The following COL8A1 variants were observed in gnomAD, a reference collection of about 807,000 sequenced individuals.
The protein encoded by COL8A1 is collagen alpha-1(VIII) chain.
In COL8A1, 21 loss-of-function variants were observed where a neutral mutation model predicts 42.7. The observed-to-expected ratio is 0.49, with a 90% CI of 0.35 to 0.71. The LOEUF is 0.71. Among genes scored for constraint, COL8A1 ranks in the 30% least tolerant of loss-of-function variants. The pLI, the probability that COL8A1 is intolerant of heterozygous loss-of-function variation, is 0.01. For missense variants in COL8A1, 788 were observed against 962.4 expected, an observed-to-expected ratio of 0.82 and a Z score of 2.40; for synonymous variants, 367 against 369.1, an observed-to-expected ratio of 0.99 and a Z score of 0.06.
chr3:99,646,430 C>G (rs925641285), intron 1 of COL8A1, among the ~76,000 whole-genome samples: 1 of 152,176 alleles, frequency 6.6e-6, no homozygotes, highest in Non-Finnish European at 1.5e-5. Flanking sequence ...GGGCGTGTCA[C>G]TGATCGTCTC....
At chr3:99,679,002 C>G (rs1290313709) in intron 1 of COL8A1, 1 of 152,210 alleles carries the variant, frequency 6.6e-6, no homozygotes, top group African/African-American at 2.4e-5. Context: ...CACATACTCA[C>G]TCTATCCACA....
At chr3:99,671,158 A>C (rs954697962) in intron 1 of COL8A1, among the ~76,000 whole-genome samples, 3 of 152,108 alleles carry the variant, frequency 2.0e-5, no homozygotes, top group East Asian at 3.8e-4. Flanking sequence ...AAGGAATAGG[A>C]ATAAAATTAT....
At chr3:99,756,061 C>T (rs1392437310) in intron 2 of COL8A1, among the ~76,000 whole-genome samples, 1 of 151,888 alleles carries the variant, frequency 6.6e-6, no homozygotes, top group Non-Finnish European at 1.5e-5. Context: ...ACTCAGGATA[C>T]ATTTTCATTA....
At chr3:99,689,271 T>C (rs1303393281) in intron 1 of COL8A1, among the ~76,000 whole-genome samples, 2 of 152,218 alleles carry the variant, frequency 1.3e-5, no homozygotes, top group African/African-American at 4.8e-5. Context: ...GGGTTACATA[T>C]GAGGCATTTA....
chr3:99,656,343 T>C (rs1205389495), intron 1 of COL8A1, among the ~76,000 whole-genome samples: 1 of 152,216 alleles, frequency 6.6e-6, no homozygotes, highest in South Asian at 2.1e-4. Flanking sequence ...GTAGAACACA[T>C]TATTAACTTT....
chr3:99,714,764 A>G (rs1939947371), intron 1 of COL8A1, among the ~76,000 whole-genome samples: 1 of 152,152 alleles, frequency 6.6e-6, no homozygotes. Flanking sequence ...TCTAGTGGAA[A>G]GACAGATATT....
intron 1 of COL8A1, among the ~76,000 whole-genome samples, chr3:99,698,470 T>C (rs934828266): frequency 1.3e-5 from 2 of 152,212 alleles, no homozygotes; most frequent in South Asian, 4.1e-4. Flanking sequence ...CAAATATTTA[T>C]GTAAGAGAAA....
chr3:99,774,313 T>C (rs919069732), intron 2 of COL8A1, among the ~76,000 whole-genome samples: 3 of 151,828 alleles, frequency 2.0e-5, no homozygotes, highest in Non-Finnish European at 4.4e-5. Context: ...TTAGTCATTC[T>C]TAGCCTGACT....
At chr3:99,784,301 AG>A (rs1941851047) in intron 2 of COL8A1, among the ~76,000 whole-genome samples, 1 of 152,260 alleles carries the variant, frequency 6.6e-6, no homozygotes, top group East Asian at 1.9e-4. Context: ...ATATAAATAT[AG>A]GATGGGGATA....
At chr3:99,691,244 T>C (rs547028090) in intron 1 of COL8A1, among the ~76,000 whole-genome samples, 1 of 152,210 alleles carries the variant, frequency 6.6e-6, no homozygotes, top group Non-Finnish European at 1.5e-5. Flanking sequence ...AACCACAAAA[T>C]GTCATCCTCA....
chr3:99,697,143 C>A (rs1230357936), intron 1 of COL8A1, among the ~76,000 whole-genome samples: 2 of 151,126 alleles, frequency 1.3e-5, no homozygotes, highest in Admixed American at 1.3e-4. Flanking sequence ...CCCGCCACTA[C>A]GCCCGGCTAA....
intron 1 of COL8A1, among the ~76,000 whole-genome samples, chr3:99,720,664 A>G (rs1245155085): frequency 6.6e-6 from 1 of 152,158 alleles, no homozygotes; most frequent in Non-Finnish European, 1.5e-5. Flanking sequence ...CTAAATGAAA[A>G]CAATGTTTTC....
At chr3:99,663,788 T>C (rs1010459578) in intron 1 of COL8A1, among the ~76,000 whole-genome samples, 2 of 148,906 alleles carry the variant, frequency 1.3e-5, no homozygotes, top group Admixed American at 6.6e-5. Context: ...GGGGAGAATA[T>C]TTTTAATCTT....
intron 1 of COL8A1, among the ~76,000 whole-genome samples, chr3:99,719,078 C>T (rs1940079706): frequency 6.6e-6 from 1 of 151,936 alleles, no homozygotes; most frequent in African/African-American, 2.4e-5. Flanking sequence ...TCCTTGTCTA[C>T]TAAGTAGAGA....
At chr3:99,677,740 T>A (rs1223033558) in intron 1 of COL8A1, 1 of 152,180 alleles carries the variant, frequency 6.6e-6, no homozygotes, top group Non-Finnish European at 1.5e-5. Flanking sequence ...ATCCTCTTTT[T>A]ACTCCTCCAG....
chr3:99,701,100 C>T lies in COL8A1; in HGVS notation c.-128-43797C>T, dbSNP rs903652043. Among the ~76,000 whole-genome samples the T allele has an allele frequency of 3.9e-5, 6 of 152,210 alleles. 1 individual carries two copies. The highest frequency in any genetic ancestry group is 3.3e-4 in the Admixed American group (5 of 15,278). On this transcript the variant is annotated intron_variant, in intron 1 of 3. Transcript: ENST00000652472. ...TTCCTCTGATAAGGACCAGAGGTCA[C>T]TCACAGCTCACTGAGAGAGCATCTA...
chr3:99,686,698 CTTTTTT>C (rs1224990471), intron 1 of COL8A1, among the ~76,000 whole-genome samples: 7 of 152,004 alleles, frequency 4.6e-5, no homozygotes, highest in Admixed American at 3.3e-4. Context: ...TACTTTTTTT[CTTTTTT>C]AAGACAGGGC....
intron 2 of COL8A1, among the ~76,000 whole-genome samples, chr3:99,787,899 A>G (rs1941928732): frequency 1.3e-5 from 2 of 151,234 alleles, no homozygotes; most frequent in African/African-American, 4.9e-5. Context: ...CACACACACC[A>G]GCTGTCAAAC....
chr3:99,742,127 AT>A (rs1391090957), intron 1 of COL8A1, among the ~76,000 whole-genome samples: 1 of 152,210 alleles, frequency 6.6e-6, no homozygotes, highest in East Asian at 1.9e-4. Context: ...TAGAACAATA[AT>A]TTTTTGATCT....
Sources: gnomAD v4.1 joint callset for allele counts (sites outside exome capture counted in the v4.1 genomes callset) on GRCh38, gnomAD v4.1.1 for gene constraint, MANE v1.5 for transcripts, NCBI Gene and HGNC (gene_info 2026-07-23, HGNC 2026-07-21) for gene names.